ATF6: variants seen among roughly 807,000 people sequenced by gnomAD.
ATF6 encodes cyclic AMP-dependent transcription factor ATF-6 alpha.
ATF6 carries 53 observed loss-of-function variants against 83.6 expected under a neutral mutation model. The ratio of observed to expected loss-of-function variants is 0.63; its 90% CI spans 0.51 to 0.80. ATF6 has a LOEUF of 0.80. Among genes scored for constraint, ATF6 ranks in the 30% least tolerant of loss-of-function variants. ATF6 has a pLI of 0.00. For synonymous variants in ATF6, 288 were observed against 285.8 expected, an observed-to-expected ratio of 1.01 and a Z score of -0.08; for missense variants, 744 against 797.9, an observed-to-expected ratio of 0.93 and a Z score of 0.81.
At chr1:161,795,152 A>G (rs1039882107) in intron 6 of ATF6, among the ~76,000 whole-genome samples, 1 of 152,100 alleles carries the variant, frequency 6.6e-6, no homozygotes, top group Non-Finnish European at 1.5e-5. Flanking sequence ...AAAAAATGAC[A>G]GATGTATTCC....
chr1:161,846,329 G>A lies in ATF6; in HGVS notation c.1188-120G>A, dbSNP rs536100206. 123 of 1,112,110 alleles carry A rather than the reference G, an allele frequency of 1.1e-4. 4 individuals carry two copies. In the South Asian group the frequency reaches 1.9e-3, roughly 17 times the overall value. The allele number at this position is 1,112,110 out of a possible 1,614,324, so 68.9% of individuals were successfully genotyped here. On this transcript the variant is annotated intron_variant, in intron 9 of 15. Transcript: ENST00000367942. Reference sequence around the variant, plus strand: ...CTATTTGTACTTGCGTCTATGCCTAGCATTTTTGTTACGTGCATGGATCTG... The same window carrying A: ...CTATTTGTACTTGCGTCTATGCCTAACATTTTTGTTACGTGCATGGATCTG...
chr1:161,832,738 A>G (rs867538405), intron 9 of ATF6, among the ~76,000 whole-genome samples: 1 of 152,252 alleles, frequency 6.6e-6, no homozygotes, highest in Admixed American at 6.5e-5. Flanking sequence ...AGGCTTGAGC[A>G]GGTAAACAAA....
chr1:161,847,401 A>T (rs530005313), intron 10 of ATF6, among the ~76,000 whole-genome samples: 18 of 152,244 alleles, frequency 1.2e-4, no homozygotes, highest in South Asian at 2.1e-4. Flanking sequence ...TTGAAAGATG[A>T]TCACCACAAT....
intron 14 of ATF6, among the ~76,000 whole-genome samples, chr1:161,875,660 A>C (rs1019664286): frequency 6.6e-6 from 1 of 151,854 alleles, no homozygotes; most frequent in African/African-American, 2.4e-5. Context: ...TTTCAAGAAC[A>C]TATCTGTCAG....
At chr1:161,863,765 A>G (rs866980494) in intron 14 of ATF6, among the ~76,000 whole-genome samples, 1 of 152,210 alleles carries the variant, frequency 6.6e-6, no homozygotes, top group African/African-American at 2.4e-5. Context: ...TATGTTCCTA[A>G]GAATCTCTAT....
intron 14 of ATF6, among the ~76,000 whole-genome samples, chr1:161,883,668 G>A (rs183792665): frequency 5.1e-4 from 77 of 152,042 alleles, no homozygotes; most frequent in African/African-American, 1.9e-3. Flanking sequence ...GCAGTCTTTA[G>A]TGTTATCTTA....
intron 14 of ATF6, among the ~76,000 whole-genome samples, chr1:161,864,192 CTGGGTA>C (rs1408744079): frequency 6.6e-6 from 1 of 151,480 alleles, no homozygotes; most frequent in Non-Finnish European, 1.5e-5. Flanking sequence ...TAAGAATACA[CTGGGTA>C]TGGTTAGAAG....
intron 2 of ATF6, among the ~76,000 whole-genome samples, chr1:161,781,575 A>G (rs899774502): frequency 5.3e-5 from 8 of 152,144 alleles, no homozygotes; most frequent in African/African-American, 1.7e-4. Context: ...TGGCAATGGG[A>G]AAATGTATTT....
intron 9 of ATF6, among the ~76,000 whole-genome samples, chr1:161,845,575 C>T (rs1349542174): frequency 1.3e-5 from 2 of 151,830 alleles, no homozygotes; most frequent in African/African-American, 4.8e-5. Context: ...TGAGACTAGT[C>T]TGGGCAACAT....
rs200220130 is a variant in ATF6, at chr1:161,766,377, G to C, written c.17G>C (p.Gly6Ala). 1.9e-6 allele frequency: 3 copies of C among 1,612,844 alleles called. No homozygotes were observed. The highest frequency in any genetic ancestry group is 1.7e-5 in the Admixed American group (1 of 59,820). MGEPA[G>A]VAGTMESPFS... Reference sequence around the variant, plus strand: ...ACTTGTGAAATGGGGGAGCCGGCTGGGGTTGCCGGCACCATGGAGTCACCT... The same window carrying C: ...ACTTGTGAAATGGGGGAGCCGGCTGCGGTTGCCGGCACCATGGAGTCACCT... Residue 6 changes from glycine (G) to alanine (A), a missense_variant, in exon 1 of 16, where the codon GGG becomes GCG. Gly to Ala is a moderately conservative substitution (Grantham distance 60, BLOSUM62 0). Transcript: ENST00000367942.
chr1:161,776,697 T>G (rs1473191647), intron 1 of ATF6, among the ~76,000 whole-genome samples: 2 of 152,078 alleles, frequency 1.3e-5, no homozygotes. Flanking sequence ...GGAGGTTTGG[T>G]GGGGTTGATG....
chr1:161,831,456 A>G (rs1276006806), intron 9 of ATF6, among the ~76,000 whole-genome samples: 1 of 152,214 alleles, frequency 6.6e-6, no homozygotes, highest in East Asian at 1.9e-4. Context: ...TATATACCCA[A>G]AGGATTATAA....
At chr1:161,845,667 C>G (rs780343436) in intron 9 of ATF6, among the ~76,000 whole-genome samples, 4 of 150,720 alleles carry the variant, frequency 2.7e-5, no homozygotes, top group African/African-American at 4.9e-5. Context: ...CTCAGCTACT[C>G]AGAGGGGCTG....
chr1:161,834,179 TA>T (rs1686149533), intron 9 of ATF6, among the ~76,000 whole-genome samples: 1 of 152,074 alleles, frequency 6.6e-6, no homozygotes, highest in Non-Finnish European at 1.5e-5. Context: ...GAAGGAGAAA[TA>T]AAATACTTCA....
chr1:161,800,405 A>G (rs1278740771), intron 6 of ATF6, among the ~76,000 whole-genome samples: 1 of 152,192 alleles, frequency 6.6e-6, no homozygotes, highest in African/African-American at 2.4e-5. Context: ...CAGAAAGCAC[A>G]GTTGTCACTA....
At chr1:161,811,321 C>G (rs1470883297) in intron 7 of ATF6, among the ~76,000 whole-genome samples, 2 of 152,134 alleles carry the variant, frequency 1.3e-5, no homozygotes, top group Admixed American at 6.5e-5. Context: ...GATCTTGTGG[C>G]TGGTTACAGG....
At chr1:161,954,082 G>GA (rs1224651834) in intron 15 of ATF6, among the ~76,000 whole-genome samples, 8 of 152,074 alleles carry the variant, frequency 5.3e-5, no homozygotes, top group Admixed American at 4.6e-4. Context: ...CAAGCAGAGG[G>GA]AAAAAATACT....
chr1:161,788,714 A>G (rs927312905), intron 4 of ATF6, among the ~76,000 whole-genome samples: 2 of 152,038 alleles, frequency 1.3e-5, no homozygotes, highest in Admixed American at 1.3e-4. Flanking sequence ...CACCACTTTA[A>G]TATGTGGTAT....
intron 1 of ATF6, among the ~76,000 whole-genome samples, chr1:161,773,707 A>G (rs1382708654): frequency 2.0e-5 from 3 of 152,236 alleles, no homozygotes; most frequent in Non-Finnish European, 4.4e-5. Flanking sequence ...TGTTGAGTAC[A>G]CTAAAAATAG....
Sources: allele counts gnomAD v4.1 joint callset (sites outside exome capture counted in the v4.1 genomes callset), GRCh38; gene constraint gnomAD v4.1.1; transcripts MANE v1.5; gene names NCBI Gene and HGNC (gene_info 2026-07-23, HGNC 2026-07-21).